EEF1E1: variants seen among roughly 807,000 people sequenced by gnomAD.
The protein encoded by EEF1E1 is eukaryotic translation elongation factor 1 epsilon 1, also known as eukaryotic translation elongation factor 1 epsilon-1.
In EEF1E1, 19 loss-of-function variants were observed where a neutral mutation model predicts 19.9. The ratio of observed to expected loss-of-function variants is 0.95; its 90% CI spans 0.66 to 1.40. The LOEUF is 1.40. EEF1E1 is among the 40% of genes most tolerant of loss of function. The pLI is 0.00. For synonymous variants in EEF1E1, 81 were observed against 80.0 expected, an observed-to-expected ratio of 1.01 and a Z score of -0.07; for missense variants, 198 against 202.2, an observed-to-expected ratio of 0.98 and a Z score of 0.13.
At position 8,083,428 on chromosome 6, in the gene EEF1E1, T is replaced by G. The variant is rs575596589; in HGVS notation, c.385-3398A>C. Among the ~76,000 whole-genome samples, 55 of 152,314 alleles carry G rather than the reference T, an allele frequency of 3.6e-4. 2 individuals are homozygous for G. The highest frequency in any genetic ancestry group is 3.2e-3 in the Admixed American group (49 of 15,298). ...AGCAATCTTACAGTCAAGCAGCACA[T>G]AATATTACAAAGGATTTTAATAATC... On this transcript the variant is annotated intron_variant, in intron 3 of 3. Transcript: ENST00000379715.
chr6:8,093,297 G>T (rs1446934485), intron 2 of EEF1E1, among the ~76,000 whole-genome samples: 1 of 148,048 alleles, frequency 6.8e-6, no homozygotes, highest in East Asian at 2.0e-4. Flanking sequence ...TCACAGATGA[G>T]AACTAATTAT....
At position 8,079,993 on chromosome 6, in the gene EEF1E1, TTAAGA is replaced by T; in HGVS notation, c.417_421del (p.Tyr139Ter). On this transcript the variant is annotated stop_gained and frameshift_variant, in exon 4 of 4. Transcript: ENST00000379715. LOFTEE classifies it high-confidence loss of function. ...AATGTGACAAAACCAGCGAGACACA[TTAAGA>T]TATTTCTCCTTTTCTTGAACTGTCA... The T allele has an allele frequency of 1.2e-6, 2 of 1,613,626 alleles. No individual in the cohort carries two copies. Among genetic ancestry groups the T allele is most frequent in the Non-Finnish European group, 1.7e-6 (2 of 1,179,906 alleles).
chr6:8,084,891 T>C (rs563169683), intron 3 of EEF1E1, among the ~76,000 whole-genome samples: 1 of 152,302 alleles, frequency 6.6e-6, no homozygotes, highest in Admixed American at 6.5e-5. Flanking sequence ...CTTAGATACC[T>C]TAGCAGCAAA....
At chr6:8,075,897 C>T (rs1160504225), downstream of EEF1E1, among the ~76,000 whole-genome samples, 2 of 152,178 alleles carry the variant, frequency 1.3e-5, no homozygotes, top group African/African-American at 2.4e-5. Flanking sequence ...CCTTTGTTCT[C>T]ATCTCTACAG....
chr6:8,101,246 ATATATATATATATAT>A lies in EEF1E1; in HGVS notation c.87+1174_87+1188del, dbSNP rs1758352356. On this transcript the variant is annotated intron_variant, in intron 1 of 3. Coordinates refer to ENST00000379715, the MANE Select transcript of EEF1E1 (RefSeq NM_004280.5). ...GTCTCAAAAAAAAAAAAAAAAAAAT[ATATATATATATATAT>A]ATATATATATATATATATATATGGC... Among the ~76,000 whole-genome samples the A allele has an allele frequency of 2.1e-4, 10 of 47,200 alleles. No individual in the cohort carries two copies. The South Asian group carries it at 4.1e-3, about 19-fold the overall frequency. The allele number at this position is 47,200 out of a possible 152,430, so 31.0% of individuals were successfully genotyped here. A position where few individuals can be genotyped will look rare whatever the true frequency, so the allele number is the denominator to read the frequency against.
Position 8,079,682 on chromosome 6 carries a change from T to C in EEF1E1, c.*208A>G. The C allele has an allele frequency of 7.9e-7, 1 of 1,265,166 alleles. No individual in the cohort carries two copies. The highest frequency in any genetic ancestry group is 1.0e-6 in the Non-Finnish European group (1 of 1,001,602). 78.4% of individuals were successfully genotyped at this position (1,265,166 alleles called of 1,614,324 possible). The stretch of plus-strand genomic sequence containing the variant: ...ATTTATAACTGGATCTCAACTTGTT[T>C]AATAGCAATTGAATTTTGACATAAA... On this transcript the variant is annotated 3_prime_UTR_variant, in exon 4 of 4. Transcript: ENST00000379715.
At chr6:8,095,877 C>T (rs1368332699) in intron 2 of EEF1E1, among the ~76,000 whole-genome samples, 3 of 152,196 alleles carry the variant, frequency 2.0e-5, no homozygotes, top group Non-Finnish European at 2.9e-5. Flanking sequence ...TACAATCGGT[C>T]TCACCCACCA....
intron 3 of EEF1E1, among the ~76,000 whole-genome samples, chr6:8,073,818 A>G (rs890395520): frequency 3.3e-5 from 5 of 152,356 alleles, no homozygotes; most frequent in Middle Eastern, 3.4e-3. Flanking sequence ...ACAATTGATC[A>G]TTTGGCACTC....
intron 2 of EEF1E1, among the ~76,000 whole-genome samples, chr6:8,093,075 T>C (rs1758064416): frequency 6.6e-6 from 1 of 152,068 alleles, no homozygotes; most frequent in South Asian, 2.1e-4. Context: ...GGTTTCACTA[T>C]GTTGGCCAGG....
chr6:8,099,774 ACACACACACACACACAC>A lies in EEF1E1; in HGVS notation c.88-2324_88-2308del, dbSNP rs1561646253. 1.5e-4 allele frequency among the ~76,000 whole-genome samples: 19 copies of A among 123,448 alleles called. 1 individual carries two copies. The highest frequency in any genetic ancestry group is 6.4e-4 in the African/African-American group (19 of 29,618). The allele number at this position is 123,448 out of a possible 152,430, so 81.0% of individuals were successfully genotyped here. Reference sequence around the variant, plus strand: ...AAAACACACACACACACACACACACACACACACACACACACACAAAAAAAAAACAGAACCCTCTATAA... The same window carrying A: ...AAAACACACACACACACACACACACAAAAAAAAAAACAGAACCCTCTATAA... On this transcript the variant is annotated intron_variant, in intron 1 of 3. Transcript: ENST00000379715.
intron 3 of EEF1E1, among the ~76,000 whole-genome samples, chr6:8,083,201 T>C (rs1405071436): frequency 4.5e-4 from 69 of 152,216 alleles, no homozygotes; most frequent in Admixed American, 4.4e-3. Context: ...AGAAACACTT[T>C]AAGTGAACCG....
chr6:8,075,126 C>T (rs907175116), downstream of EEF1E1, among the ~76,000 whole-genome samples: 3 of 152,132 alleles, frequency 2.0e-5, no homozygotes, highest in Non-Finnish European at 4.4e-5. Flanking sequence ...TAATTTGCAG[C>T]AGTGAATCAT....
At chr6:8,101,977 T>C in intron 1 of EEF1E1, 3 of 1,247,304 alleles carry the variant, frequency 2.4e-6, no homozygotes, top group Non-Finnish European at 3.1e-6. Flanking sequence ...GGAGGAAGCA[T>C]GTTCCCCTAA....
At chr6:8,099,484 C>G (rs1311592030) in intron 1 of EEF1E1, among the ~76,000 whole-genome samples, 3 of 152,104 alleles carry the variant, frequency 2.0e-5, no homozygotes, top group Non-Finnish European at 4.4e-5. Flanking sequence ...CAGTGGCTCA[C>G]GCCTGTAATC....
chr6:8,096,766 C>A (rs1207132435), intron 2 of EEF1E1, among the ~76,000 whole-genome samples: 4 of 151,910 alleles, frequency 2.6e-5, no homozygotes, highest in African/African-American at 9.7e-5. Context: ...TTATTTGATG[C>A]CTTTGAAAAT....
chr6:8,090,356 T>G, intron 2 of EEF1E1, 75 bp from the exon 3 acceptor site: 1 of 1,096,342 alleles, frequency 9.1e-7, no homozygotes, highest in Non-Finnish European at 1.2e-6. Context: ...TATCATGACT[T>G]AAAAGATTTA....
Position 8,079,952 on chromosome 6 carries a change from T to C in EEF1E1, c.463A>G (p.Ile155Val). 6.2e-7 allele frequency: 1 copy of C among 1,613,608 alleles called. No homozygotes were observed. Among genetic ancestry groups the C allele is most frequent in the Admixed American group, 1.7e-5 (1 of 60,028 alleles). ...ACAACACTAGACAGATGTTGCCTGA[T>C]GCCTGGATAATGCTGAATGTGACAA... ...WFCHIQHYPG[I>V]RQHLSSVVFI... The change falls in exon 4 of 4, where the codon ATC becomes GTC. Residue 155 changes from isoleucine (I) to valine (V), a missense_variant. Physicochemically the swap from Ile to Val is conservative, Grantham distance 29. Transcript: ENST00000379715.
chr6:8,080,724 T>C (rs904048851), intron 3 of EEF1E1, among the ~76,000 whole-genome samples: 4 of 152,236 alleles, frequency 2.6e-5, no homozygotes, highest in Admixed American at 2.6e-4. Flanking sequence ...TTGAGAGTTA[T>C]CAGGTAAAGA....
At chr6:8,092,184 T>C (rs1237626176) in intron 2 of EEF1E1, among the ~76,000 whole-genome samples, 3 of 152,198 alleles carry the variant, frequency 2.0e-5, no homozygotes, top group Non-Finnish European at 4.4e-5. Context: ...CTTTGGGGGT[T>C]AGAATTTTAA....
Sources: gnomAD v4.1 joint callset for allele counts (sites outside exome capture counted in the v4.1 genomes callset) on GRCh38, gnomAD v4.1.1 for gene constraint, MANE v1.5 for transcripts, NCBI Gene and HGNC (gene_info 2026-07-23, HGNC 2026-07-21) for gene names.